FBXL7: variants seen among roughly 807,000 people sequenced by gnomAD.
FBXL7 encodes the protein F-box and leucine rich repeat protein 7, also known as F-box/LRR-repeat protein 7.
A neutral mutation model predicts 38.3 loss-of-function variants in FBXL7; 12 were observed. That is an observed-to-expected ratio of 0.31 (90% CI 0.20 to 0.51). The LOEUF is 0.51. Among genes scored for constraint, FBXL7 ranks in the 20% least tolerant of loss-of-function variants. The pLI is 0.98. For synonymous variants in FBXL7, 297 were observed against 300.9 expected, an observed-to-expected ratio of 0.99 and a Z score of 0.13; for missense variants, 567 against 676.4, an observed-to-expected ratio of 0.84 and a Z score of 1.79.
At chr5:15,565,531 T>C (rs913421125) in intron 1 of FBXL7, among the ~76,000 whole-genome samples, 1 of 150,656 alleles carries the variant, frequency 6.6e-6, no homozygotes, top group Non-Finnish European at 1.5e-5. Flanking sequence ...TTATTCTTAA[T>C]TATAATCTTT....
At position 15,732,451 on chromosome 5, in the gene FBXL7, T is replaced by TTTTAAG. The variant is rs1735615394; in HGVS notation, c.127+116382_127+116383insAAGTTT. ...AATTAAAAGATGGCTTTCAGTGTTC[T>TTTTAAG]TTTTTTTCCCTCTCTTTTATTTATA... On this transcript the variant is annotated intron_variant, in intron 2 of 3. Transcript: ENST00000504595. Among the ~76,000 whole-genome samples, 3 of 150,132 alleles carry TTTTAAG rather than the reference T, an allele frequency of 2.0e-5. No individual in the cohort carries two copies. In the South Asian group the frequency reaches 6.2e-4, roughly 31 times the overall value.
chr5:15,824,471 C>T (rs184107123), intron 2 of FBXL7, among the ~76,000 whole-genome samples: 4 of 151,980 alleles, frequency 2.6e-5, no homozygotes, highest in Non-Finnish European at 5.9e-5. Context: ...TGCTTGTGAC[C>T]GTGGCGCCCT....
At chr5:15,673,782 T>TC in intron 2 of FBXL7, among the ~76,000 whole-genome samples, 1 of 151,916 alleles carries the variant, frequency 6.6e-6, no homozygotes, top group East Asian at 1.9e-4. Flanking sequence ...TATTATTATT[T>TC]TTTTTTTTAG....
intron 2 of FBXL7, among the ~76,000 whole-genome samples, chr5:15,681,260 C>T (rs913547400): frequency 3.3e-5 from 5 of 152,138 alleles, no homozygotes; most frequent in African/African-American, 1.2e-4. Context: ...CAAAGATTTC[C>T]TTACATGTTT....
At chr5:15,505,624 C>A (rs1485357146) in intron 1 of FBXL7, among the ~76,000 whole-genome samples, 1 of 152,072 alleles carries the variant, frequency 6.6e-6, no homozygotes, top group African/African-American at 2.4e-5. Flanking sequence ...GGGCTAAGGT[C>A]CCTGAATAAA....
intron 2 of FBXL7, among the ~76,000 whole-genome samples, chr5:15,616,494 A>ATT (rs1470609550): frequency 6.6e-6 from 1 of 152,170 alleles, no homozygotes; most frequent in East Asian, 1.9e-4. Context: ...TAGTCATGTT[A>ATT]TTTGTAGAAC....
intron 2 of FBXL7, among the ~76,000 whole-genome samples, chr5:15,876,858 G>A: frequency 6.6e-6 from 1 of 152,184 alleles, no homozygotes; most frequent in East Asian, 1.9e-4. Flanking sequence ...AAATTTATCA[G>A]TGTGAGGCAC....
At chr5:15,714,804 G>A (rs1361782526) in intron 2 of FBXL7, among the ~76,000 whole-genome samples, 20 of 145,344 alleles carry the variant, frequency 1.4e-4, no homozygotes, top group Admixed American at 2.8e-4. Context: ...AGCCGAGACC[G>A]TGCCACTGCA....
At chr5:15,905,473 C>G (rs145059304) in intron 2 of FBXL7, among the ~76,000 whole-genome samples, 1 of 152,000 alleles carries the variant, frequency 6.6e-6, no homozygotes, top group East Asian at 1.9e-4. Flanking sequence ...AGGCTTCCAT[C>G]TGGTCAACCT....
At chr5:15,567,111 T>G (rs977302906) in intron 1 of FBXL7, among the ~76,000 whole-genome samples, 2 of 152,156 alleles carry the variant, frequency 1.3e-5, no homozygotes, top group African/African-American at 2.4e-5. Context: ...TTTTAACTCT[T>G]CTAGCAGCTC....
intron 2 of FBXL7, among the ~76,000 whole-genome samples, chr5:15,648,242 C>T (rs1486037458): frequency 6.6e-6 from 1 of 152,106 alleles, no homozygotes; most frequent in Non-Finnish European, 1.5e-5. Flanking sequence ...TTATTAGTTT[C>T]GTGGATCTTA....
At chr5:15,622,474 C>T (rs956042759) in intron 2 of FBXL7, among the ~76,000 whole-genome samples, 6 of 152,022 alleles carry the variant, frequency 3.9e-5, no homozygotes, top group Admixed American at 2.6e-4. Context: ...TGTGATGTTC[C>T]CCTTCCTGTG....
At chr5:15,933,110 A>G (rs1004276648) in intron 3 of FBXL7, among the ~76,000 whole-genome samples, 1 of 152,230 alleles carries the variant, frequency 6.6e-6, no homozygotes, top group Non-Finnish European at 1.5e-5. Flanking sequence ...TGAACTAATC[A>G]TAAATAATAC....
chr5:15,747,416 T>C (rs2126681232), intron 2 of FBXL7, among the ~76,000 whole-genome samples: 1 of 152,292 alleles, frequency 6.6e-6, no homozygotes, highest in African/African-American at 2.4e-5. Context: ...AAAGTAAAAG[T>C]TGCATCAGGG....
At chr5:15,557,089 C>T (rs1237173391) in intron 1 of FBXL7, among the ~76,000 whole-genome samples, 1 of 152,196 alleles carries the variant, frequency 6.6e-6, no homozygotes, top group African/African-American at 2.4e-5. Flanking sequence ...AGGTGTCCAC[C>T]ACCACGCCTG....
intron 1 of FBXL7, among the ~76,000 whole-genome samples, chr5:15,545,763 T>G (rs568141069): frequency 4.8e-4 from 73 of 152,334 alleles, no homozygotes; most frequent in Middle Eastern, 3.4e-3. Flanking sequence ...ATTAGCTAAT[T>G]GTGCAACAGA....
At position 15,937,387 on chromosome 5, in the gene FBXL7, G is replaced by C; in HGVS notation, c.*201G>C. 1.5e-6 allele frequency: 1 copy of C among 645,234 alleles called. No individual in the cohort carries two copies. The highest frequency in any genetic ancestry group is 2.6e-6 in the Non-Finnish European group (1 of 388,840). The allele number at this position is 645,234 out of a possible 1,614,324, so 40.0% of individuals were successfully genotyped here. ...ACGAAGCAAGACAAACAGCAAACAG[G>C]CATTTTGGTCAGGTCATTTGTAGGC... On this transcript the variant is annotated 3_prime_UTR_variant, in exon 4 of 4. Transcript: ENST00000504595.
At chr5:15,732,763 C>T (rs779245405) in intron 2 of FBXL7, among the ~76,000 whole-genome samples, 14 of 152,168 alleles carry the variant, frequency 9.2e-5, no homozygotes, top group Non-Finnish European at 1.9e-4. Flanking sequence ...TTTTCTTCTT[C>T]AACTTGCTGA....
chr5:15,627,750 CA>C (rs1740866333), intron 2 of FBXL7, among the ~76,000 whole-genome samples: 1 of 152,120 alleles, frequency 6.6e-6, no homozygotes, highest in Non-Finnish European at 1.5e-5. Context: ...CATTTTAGGA[CA>C]AATAATCTGA....
Sources: allele counts gnomAD v4.1 joint callset (sites outside exome capture counted in the v4.1 genomes callset), GRCh38; gene constraint gnomAD v4.1.1; transcripts MANE v1.5; gene names NCBI Gene and HGNC (gene_info 2026-07-23, HGNC 2026-07-21).